Variants in TRAPPC12 observed in about 807,000 individuals in gnomAD.
TRAPPC12 encodes TPR repeat protein 15.
TRAPPC12 carries 61 observed loss-of-function variants against 69.2 expected under a neutral mutation model. The observed-to-expected ratio is 0.88, with a 90% CI of 0.72 to 1.09. TRAPPC12 has a LOEUF of 1.09. Ranked by LOEUF, TRAPPC12 falls within the 50% of genes least tolerant of loss-of-function variation. The pLI, the probability that TRAPPC12 is intolerant of heterozygous loss-of-function variation, is 0.00. For synonymous variants in TRAPPC12, 469 were observed against 438.9 expected (o/e 1.07, Z -0.86); for missense variants, 1,101 against 1,016.4 (o/e 1.08, Z -1.13).
intron 5 of TRAPPC12, among the ~76,000 whole-genome samples, chr2:3,434,916 A>G (rs1002572702): frequency 6.6e-6 from 1 of 152,170 alleles, no homozygotes; most frequent in African/African-American, 2.4e-5. Flanking sequence ...TTCAGGCTAC[A>G]GTTTTCCATC....
chr2:3,392,878 G>A (rs549447189), intron 2 of TRAPPC12, among the ~76,000 whole-genome samples: 43 of 152,358 alleles, frequency 2.8e-4, no homozygotes, highest in African/African-American at 8.2e-4. Flanking sequence ...AGATGCCTGC[G>A]CTCCATGCTC....
intron 6 of TRAPPC12, chr2:3,456,146 C>A (rs1665137950): frequency 6.6e-6 from 1 of 152,200 alleles, no homozygotes; most frequent in South Asian, 2.1e-4. Flanking sequence ...CCCACCTTGT[C>A]CCCTGAGTCA....
intron 8 of TRAPPC12, 107 bp downstream of exon 8, chr2:3,460,443 C>T: frequency 1.4e-6 from 1 of 694,408 alleles, no homozygotes. Context: ...ACCGGCCGTG[C>T]AGAGAAGCCA....
chr2:3,417,629 C>A (rs1178066022), intron 3 of TRAPPC12, among the ~76,000 whole-genome samples: 2 of 152,150 alleles, frequency 1.3e-5, no homozygotes, highest in African/African-American at 4.8e-5. Context: ...TCACAGCAGG[C>A]AGTCAGTAAA....
intron 5 of TRAPPC12, among the ~76,000 whole-genome samples, chr2:3,431,352 A>G (rs1439481380): frequency 6.6e-6 from 1 of 152,222 alleles, no homozygotes; most frequent in Admixed American, 6.5e-5. Context: ...TGCAGGGAGC[A>G]TCCCGGTCCC....
chr2:3,396,027 G>A (rs1661108750), intron 2 of TRAPPC12, among the ~76,000 whole-genome samples: 1 of 152,158 alleles, frequency 6.6e-6, no homozygotes, highest in Non-Finnish European at 1.5e-5. Flanking sequence ...ACCACGCCTG[G>A]CTAGTTCTTG....
chr2:3,407,305 C>G (rs1379169935), intron 3 of TRAPPC12, among the ~76,000 whole-genome samples: 1 of 152,104 alleles, frequency 6.6e-6, no homozygotes, highest in Non-Finnish European at 1.5e-5. Context: ...GTAATGCCTA[C>G]GTTCAGTTTT....
At chr2:3,384,183 A>G (rs1056038456) in intron 1 of TRAPPC12, among the ~76,000 whole-genome samples, 5 of 151,976 alleles carry the variant, frequency 3.3e-5, no homozygotes, top group African/African-American at 9.7e-5. Context: ...GGCCTGAACC[A>G]CCGTGCCTGG....
At chr2:3,468,581 T>A (rs747550597) in intron 9 of TRAPPC12, among the ~76,000 whole-genome samples, 4 of 152,160 alleles carry the variant, frequency 2.6e-5, no homozygotes, top group Admixed American at 6.5e-5. Context: ...GGGTTGTGTT[T>A]GTTCCGTTCC....
At chr2:3,423,079 T>G (rs2103057377) in intron 4 of TRAPPC12, among the ~76,000 whole-genome samples, 1 of 152,250 alleles carries the variant, frequency 6.6e-6, no homozygotes, top group Admixed American at 6.5e-5. Flanking sequence ...TGGCACTAGC[T>G]CAACACCAAT....
chr2:3,477,673 T>C (rs938634035), intron 9 of TRAPPC12, 22 bp from the exon 10 acceptor site: 1 of 1,514,446 alleles, frequency 6.6e-7, no homozygotes, highest in Admixed American at 1.9e-5. Context: ...TCAACTAAAC[T>C]GACTAAATTT....
At chr2:3,450,793 C>T (rs1449571596) in intron 6 of TRAPPC12, among the ~76,000 whole-genome samples, 1 of 152,102 alleles carries the variant, frequency 6.6e-6, no homozygotes, top group Non-Finnish European at 1.5e-5. Context: ...GTTCTCAGGT[C>T]CTTGGCTTAG....
chr2:3,445,762 G>A (rs913660772), intron 6 of TRAPPC12, among the ~76,000 whole-genome samples: 3 of 152,200 alleles, frequency 2.0e-5, no homozygotes, highest in Admixed American at 6.5e-5. Context: ...AACATGTCCC[G>A]TTTGAAGACA....
intron 8 of TRAPPC12, chr2:3,460,912 ACACCTGGCTCACCTCC>A (rs1665459021): frequency 1.3e-5 from 2 of 153,076 alleles, no homozygotes; most frequent in African/African-American, 4.8e-5. Context: ...AACGCACCCC[ACACCTGGCTCACCTCC>A]CACACTGGGC....
chr2:3,398,706 C>T (rs957324455), intron 2 of TRAPPC12, among the ~76,000 whole-genome samples: 1 of 152,170 alleles, frequency 6.6e-6, no homozygotes, highest in African/African-American at 2.4e-5. Context: ...GCAGCCAGGC[C>T]CTAACCGCCT....
At chr2:3,445,773 G>C (rs149062546) in intron 6 of TRAPPC12, among the ~76,000 whole-genome samples, 6 of 152,376 alleles carry the variant, frequency 3.9e-5, no homozygotes, top group East Asian at 3.9e-4. Flanking sequence ...TTTGAAGACA[G>C]AAGGACCGAG....
At position 3,432,452 on chromosome 2, in the gene TRAPPC12, C is replaced by G. The variant is rs13386085; in HGVS notation, c.1417+7789C>G. 4.5e-3 allele frequency among the ~76,000 whole-genome samples: 691 copies of G among 152,310 alleles called. 7 individuals are homozygous for G. Among genetic ancestry groups the G allele is most frequent in the African/African-American group, 0.016 (667 of 41,544 alleles). On this transcript the variant is annotated intron_variant, in intron 5 of 11. Transcript: ENST00000324266. The stretch of plus-strand genomic sequence containing the variant: ...ACATTTTGAGTTCTCAAATTAAATT[C>G]TGAAACTTTTTTTTATCAACACATA...
chr2:3,453,685 G>A (rs1196603455), intron 6 of TRAPPC12, among the ~76,000 whole-genome samples: 1 of 152,158 alleles, frequency 6.6e-6, no homozygotes, highest in East Asian at 1.9e-4. Context: ...TATAGACCCT[G>A]GAGTCTGCTC....
At chr2:3,450,337 C>G (rs1226619359) in intron 6 of TRAPPC12, among the ~76,000 whole-genome samples, 1 of 152,194 alleles carries the variant, frequency 6.6e-6, no homozygotes, top group East Asian at 1.9e-4. Context: ...AATCTGTGAT[C>G]TGAGTAGAAA....
Sources: gnomAD v4.1 joint callset for allele counts (sites outside exome capture counted in the v4.1 genomes callset) on GRCh38, gnomAD v4.1.1 for gene constraint, MANE v1.5 for transcripts, NCBI Gene and HGNC (gene_info 2026-07-23, HGNC 2026-07-21) for gene names.